ANO1: variants seen among roughly 807,000 people sequenced by gnomAD.
ANO1 encodes the protein anoctamin-1.
A neutral mutation model predicts 124.0 loss-of-function variants in ANO1; 59 were observed. The ratio of observed to expected loss-of-function variants is 0.48; its 90% confidence interval spans 0.39 to 0.59. ANO1 has a LOEUF of 0.59. Ranked by LOEUF, ANO1 falls within the 20% of genes least tolerant of loss-of-function variation. The pLI, the probability that ANO1 is intolerant of heterozygous loss-of-function variation, is 0.00. For missense variants in ANO1, 1,059 were observed against 1,328.0 expected (o/e 0.80, Z 3.15); for synonymous variants, 529 against 532.0 (o/e 0.99, Z 0.08).
chr11:70,006,729 T>C (rs1240738680), intron 1 of ANO1, among the ~76,000 whole-genome samples: 1 of 138,954 alleles, frequency 7.2e-6, no homozygotes, highest in Non-Finnish European at 1.5e-5. Context: ...GAGTGCAGTG[T>C]TGCGATCTTG....
intron 14 of ANO1, 127 bp from the exon 15 acceptor site, chr11:70,155,784 A>T (rs923662922): frequency 1.3e-6 from 1 of 792,812 alleles, no homozygotes; most frequent in African/African-American, 1.8e-5. Context: ...CTTGGCAGTG[A>T]GCTTACGGCC....
chr11:70,158,108 T>G (rs2047893735), intron 16 of ANO1, among the ~76,000 whole-genome samples: 2 of 151,264 alleles, frequency 1.3e-5, no homozygotes, highest in Admixed American at 1.3e-4. Flanking sequence ...AAAAGAAAAC[T>G]ATTAAATAAA....
In ANO1 at chr11:70,178,710, T is replaced by C. The variant is rs1324494690; in HGVS notation, c.2351-1294T>C. On this transcript the variant is annotated intron_variant, in intron 22 of 25. Coordinates refer to ENST00000355303, the MANE Select transcript of ANO1 (RefSeq NM_018043.7). The stretch of plus-strand genomic sequence containing the variant: ...TTCTGAGTAGCTGGGATTACAGGCA[T>C]GTGCCACGACGCCTGGCTAATTTTT... Among the ~76,000 whole-genome samples, 3 of 152,280 alleles carry C rather than the reference T, an allele frequency of 2.0e-5. No homozygotes were observed. The East Asian group carries it at 5.8e-4, about 29-fold the overall frequency.
chr11:70,134,761 C>G lies in ANO1; in HGVS notation c.1258+2682C>G, dbSNP rs776645746. 2.6e-5 allele frequency among the ~76,000 whole-genome samples: 4 copies of G among 152,282 alleles called. No individual in the cohort carries two copies. The East Asian group carries it at 7.7e-4, about 29-fold the overall frequency. On this transcript the variant is annotated intron_variant, in intron 11 of 25. Coordinates refer to ENST00000355303, the MANE Select transcript of ANO1 (RefSeq NM_018043.7). ...GCACAATGTGTATCCCACACTGTGC[C>G]GGGCCCCAGGGGAACCAAGGGAAGC...
At chr11:70,097,729 G>A (rs1448855093) in intron 2 of ANO1, among the ~76,000 whole-genome samples, 1 of 152,198 alleles carries the variant, frequency 6.6e-6, no homozygotes, top group Non-Finnish European at 1.5e-5. Context: ...TGAAAGCCGG[G>A]GCTGTCCTAG....
At chr11:70,167,705 C>A (rs375394696) in intron 21 of ANO1, among the ~76,000 whole-genome samples, 1 of 140,172 alleles carries the variant, frequency 7.1e-6, no homozygotes, top group Non-Finnish European at 1.5e-5. Context: ...AGCCACAGTC[C>A]CCAGGCACGG....
At chr11:69,966,730 C>A in the ANO1 span, among the ~76,000 whole-genome samples, 1 of 152,188 alleles carries the variant, frequency 6.6e-6, no homozygotes, top group Non-Finnish European at 1.5e-5. Flanking sequence ...GGCAGAACAC[C>A]CAGCCTGCCC....
At chr11:70,182,832 G>A in intron 24 of ANO1, 146 bp downstream of exon 24, 1 of 835,658 alleles carries the variant, frequency 1.2e-6, no homozygotes, top group Non-Finnish European at 1.7e-6. Context: ...AAAAAAGGCT[G>A]GTGCAGTGGC....
intron 2 of ANO1, among the ~76,000 whole-genome samples, chr11:70,088,972 G>A (rs2044511351): frequency 6.6e-6 from 1 of 152,242 alleles, no homozygotes; most frequent in African/African-American, 2.4e-5. Flanking sequence ...CCCCTCGAGT[G>A]CCTGGCTGCT....
At position 70,166,458 on chromosome 11, in the gene ANO1, G is replaced by A. The variant is rs1345129675; in HGVS notation, c.2052-784G>A. Among the ~76,000 whole-genome samples, 37 of 152,212 alleles carry A rather than the reference G, an allele frequency of 2.4e-4. 2 individuals are homozygous for A. The highest frequency in any genetic ancestry group is 2.3e-3 in the Admixed American group (35 of 15,290). On this transcript the variant is annotated intron_variant, in intron 20 of 25. Coordinates refer to ENST00000355303, the MANE Select transcript of ANO1 (RefSeq NM_018043.7). The stretch of plus-strand genomic sequence containing the variant: ...GGTACCACCAGGTGCCCCCAAGCCC[G>A]ATGCTGGCTCCCCAGGGTTTCCAGA...
intron 1 of ANO1, among the ~76,000 whole-genome samples, chr11:70,021,729 G>A (rs781905806): frequency 1.3e-5 from 2 of 152,162 alleles, no homozygotes; most frequent in Non-Finnish European, 2.9e-5. Context: ...GGCCTCGGGA[G>A]CCAGGCTCTT....
chr11:70,098,400 G>T (rs886984238), intron 2 of ANO1, among the ~76,000 whole-genome samples: 2 of 152,238 alleles, frequency 1.3e-5, no homozygotes, highest in Non-Finnish European at 2.9e-5. Context: ...TATGGGAGGT[G>T]CCTGGCCTGC....
chr11:70,169,320 G>A (rs1371571764), intron 21 of ANO1, among the ~76,000 whole-genome samples: 1 of 152,064 alleles, frequency 6.6e-6, no homozygotes, highest in Admixed American at 6.6e-5. Flanking sequence ...ACTGACCAAG[G>A]CACATTTCCA....
chr11:70,049,692 T>G (rs963844388), intron 1 of ANO1, among the ~76,000 whole-genome samples: 14 of 151,288 alleles, frequency 9.3e-5, no homozygotes, highest in African/African-American at 1.7e-4. Flanking sequence ...GTCTATGTTT[T>G]TTTGTTTGTT....
intron 11 of ANO1, chr11:70,141,704 G>A (rs2047160219): frequency 6.6e-6 from 1 of 152,188 alleles, no homozygotes; most frequent in Non-Finnish European, 1.5e-5. Context: ...TGGCTGTCAA[G>A]GGTAATTACC....
intron 8 of ANO1, among the ~76,000 whole-genome samples, chr11:70,122,036 T>C: frequency 2.3e-5 from 3 of 130,384 alleles, no homozygotes. Context: ...CTCCCCCGCC[T>C]CTCTCTGTCT....
Position 70,156,938 on chromosome 11 carries a change from G to A in ANO1, c.1504-9G>A. 6.2e-7 allele frequency: 1 copy of A among 1,613,120 alleles called. No homozygotes were observed. The highest frequency in any genetic ancestry group is 8.5e-7 in the Non-Finnish European group (1 of 1,179,514). ...TCCAGACAGTGACCGGCATTGTTTT[G>A]TGTTGTAGACTGACAAAGTGAAGCT... On this transcript the variant is annotated splice_polypyrimidine_tract_variant and intron_variant, in intron 15 of 25. Transcript: ENST00000355303.
At chr11:69,972,311 G>A in the ANO1 span, among the ~76,000 whole-genome samples, 8,093 of 151,934 alleles carry the variant, frequency 0.053, 275 homozygotes, top group Middle Eastern at 0.12. Context: ...AGTATGAGCC[G>A]TGTGTGGCTA....
At chr11:70,163,632 T>G in intron 19 of ANO1, 1 of 596,594 alleles carries the variant, frequency 1.7e-6, no homozygotes, top group Non-Finnish European at 2.9e-6. Flanking sequence ...ATATTTCTCT[T>G]CTGGTTAAGA....
Sources: gnomAD v4.1 joint callset for allele counts (sites outside exome capture counted in the v4.1 genomes callset) on GRCh38, gnomAD v4.1.1 for gene constraint, MANE v1.5 for transcripts, NCBI Gene and HGNC (gene_info 2026-07-23, HGNC 2026-07-21) for gene names.